The following NRXN3 variants were observed in gnomAD, a reference collection of about 807,000 sequenced individuals.
The protein encoded by NRXN3 is neurexin 3.
NRXN3 carries 32 observed loss-of-function variants against 137.6 expected under a neutral mutation model. The observed-to-expected ratio is 0.23, with a 90% CI of 0.18 to 0.31. NRXN3 has a LOEUF of 0.31. Ranked by LOEUF, NRXN3 falls within the 10% of genes least tolerant of loss-of-function variation. The pLI, the probability that NRXN3 is intolerant of heterozygous loss-of-function variation, is 1.00. For synonymous variants in NRXN3, 798 were observed against 784.5 expected, an observed-to-expected ratio of 1.02 and a Z score of -0.29; for missense variants, 1,574 against 2,062.5, an observed-to-expected ratio of 0.76 and a Z score of 4.59.
At chr14:78,477,775 G>C (rs1215430198) in intron 4 of NRXN3, among the ~76,000 whole-genome samples, 1 of 152,136 alleles carries the variant, frequency 6.6e-6, no homozygotes, top group Non-Finnish European at 1.5e-5. Flanking sequence ...GAAAGTTGCA[G>C]GCAATAACAA....
intron 16 of NRXN3, among the ~76,000 whole-genome samples, chr14:79,571,551 G>T (rs1013875821): frequency 1.3e-5 from 2 of 152,126 alleles, no homozygotes; most frequent in African/African-American, 4.8e-5. Context: ...GGGAGCTTCC[G>T]CAATGAATGC....
At chr14:79,568,463 T>C (rs1270587353) in intron 16 of NRXN3, among the ~76,000 whole-genome samples, 1 of 152,202 alleles carries the variant, frequency 6.6e-6, no homozygotes, top group Non-Finnish European at 1.5e-5. Context: ...ATTCCAAATG[T>C]GTAGATTTTG....
chr14:79,585,855 A>T (rs2153816081), intron 16 of NRXN3, among the ~76,000 whole-genome samples: 1 of 152,254 alleles, frequency 6.6e-6, no homozygotes, highest in East Asian at 1.9e-4. Context: ...GTAGCCTCTT[A>T]ACGATGAGGT....
intron 15 of NRXN3, among the ~76,000 whole-genome samples, chr14:79,335,229 AAGG>A (rs140012105): frequency 0.014 from 2,104 of 152,224 alleles, 53 homozygotes; most frequent in African/African-American, 0.049. Context: ...ATTGTAAAGA[AAGG>A]AGATTTGTTG....
chr14:78,591,324 C>T (rs2097114144), intron 4 of NRXN3, among the ~76,000 whole-genome samples: 1 of 152,190 alleles, frequency 6.6e-6, no homozygotes, highest in Non-Finnish European at 1.5e-5. Context: ...GCTACACGTT[C>T]TGATTTCATA....
intron 17 of NRXN3, among the ~76,000 whole-genome samples, chr14:79,678,098 C>T (rs143565078): frequency 8.5e-5 from 13 of 152,206 alleles, no homozygotes; most frequent in East Asian, 1.9e-4. Context: ...CTTCTGGCTT[C>T]GATTCTTTGA....
chr14:78,758,767 G>C (rs962046320), intron 8 of NRXN3, among the ~76,000 whole-genome samples: 1 of 152,158 alleles, frequency 6.6e-6, no homozygotes, highest in African/African-American at 2.4e-5. Context: ...TTGTCATTCT[G>C]TCCTTTTATG....
At chr14:79,139,934 A>G (rs2058638030) in intron 15 of NRXN3, among the ~76,000 whole-genome samples, 1 of 149,672 alleles carries the variant, frequency 6.7e-6, no homozygotes, top group Non-Finnish European at 1.5e-5. Flanking sequence ...TATCATATAC[A>G]TGGCATATAT....
chr14:79,027,005 T>TATATATATATATATA (rs1266846227), intron 15 of NRXN3, among the ~76,000 whole-genome samples: 1 of 108,500 alleles, frequency 9.2e-6, no homozygotes, highest in African/African-American at 3.5e-5. Flanking sequence ...TATATATATA[T>TATATATATATATATA]CATAGCACAT....
In NRXN3 at chr14:78,522,870, G is replaced by A. The variant is rs546174329; in HGVS notation, c.758-122250G>A. On this transcript the variant is annotated intron_variant, in intron 4 of 20. Coordinates refer to ENST00000335750, the MANE Select transcript of NRXN3 (RefSeq NM_001330195.2). ...TAATTAGCGAGAGAAGAGCTTGTCT[G>A]AACTATGGAGGGAAAAATAGAGAAT... Among the ~76,000 whole-genome samples, 5 of 152,260 alleles carry A rather than the reference G, an allele frequency of 3.3e-5. No individual in the cohort carries two copies. The East Asian group carries it at 5.8e-4, about 18-fold the overall frequency.
In NRXN3 at chr14:78,803,702, G is replaced by A. The variant is rs2098846356; in HGVS notation, c.2127G>A (p.Val709=). ...TCATGCATACTGAGGCAGAGGATGTGTCCTTCCGCTTCATGTCCCAGCGAG... is the reference window on the plus strand; with the variant it reads ...TCATGCATACTGAGGCAGAGGATGTATCCTTCCGCTTCATGTCCCAGCGAG... The part of the protein sequence containing the change: ...PMVMHTEAED[V]SFRFMSQRAY... The change falls in exon 9 of 21, where the codon GTG becomes GTA. Residue 709 remains valine, a synonymous_variant. Transcript: ENST00000335750. 6.2e-7 allele frequency: 1 copy of A among 1,614,140 alleles called. No individual in the cohort carries two copies. Among genetic ancestry groups the A allele is most frequent in the Non-Finnish European group, 8.5e-7 (1 of 1,179,994 alleles).
chr14:78,370,368 T>G (rs1231325466), intron 4 of NRXN3, among the ~76,000 whole-genome samples: 1 of 152,078 alleles, frequency 6.6e-6, no homozygotes, highest in South Asian at 2.1e-4. Flanking sequence ...TCCTTTGGCC[T>G]CTGTTTGGTA....
intron 8 of NRXN3, among the ~76,000 whole-genome samples, chr14:78,777,114 T>C (rs546395108): frequency 6.6e-6 from 1 of 152,314 alleles, no homozygotes; most frequent in South Asian, 2.1e-4. Flanking sequence ...TGGTATCCTG[T>C]TGAAGTTTGA....
intron 4 of NRXN3, among the ~76,000 whole-genome samples, chr14:78,430,505 C>T (rs546190335): frequency 6.6e-6 from 1 of 152,316 alleles, no homozygotes; most frequent in African/African-American, 2.4e-5. Flanking sequence ...ACAAAGCCAG[C>T]ACCTAAGGTT....
intron 8 of NRXN3, among the ~76,000 whole-genome samples, chr14:78,737,755 G>A (rs973766192): frequency 3.9e-5 from 6 of 152,160 alleles, no homozygotes; most frequent in African/African-American, 1.4e-4. Flanking sequence ...TCCTGAGGAG[G>A]GGGAGCATTA....
chr14:79,729,675 T>G (rs1217041022), intron 19 of NRXN3, among the ~76,000 whole-genome samples: 1 of 152,126 alleles, frequency 6.6e-6, no homozygotes, highest in East Asian at 1.9e-4. Context: ...AATTTCAAAG[T>G]CAAAATAACA....
intron 10 of NRXN3, among the ~76,000 whole-genome samples, chr14:78,900,255 C>A (rs1434298729): frequency 6.6e-6 from 1 of 151,752 alleles, no homozygotes; most frequent in Non-Finnish European, 1.5e-5. Context: ...AAAGAGGGCC[C>A]TTAGCTTGTG....
intron 15 of NRXN3, among the ~76,000 whole-genome samples, chr14:79,329,532 C>T (rs1458104513): frequency 6.6e-6 from 1 of 152,088 alleles, no homozygotes; most frequent in Non-Finnish European, 1.5e-5. Flanking sequence ...GCTGTTGTAC[C>T]ATGAAGTGCG....
intron 10 of NRXN3, among the ~76,000 whole-genome samples, chr14:78,887,928 G>T (rs2099148149): frequency 6.6e-6 from 1 of 152,060 alleles, no homozygotes; most frequent in Admixed American, 6.6e-5. Flanking sequence ...CCTGGGATTG[G>T]ATTCTTGTCC....
Sources: allele counts gnomAD v4.1 joint callset (sites outside exome capture counted in the v4.1 genomes callset), GRCh38; gene constraint gnomAD v4.1.1; transcripts MANE v1.5; gene names NCBI Gene and HGNC (gene_info 2026-07-23, HGNC 2026-07-21).